Variants in TCF12 observed in about 807,000 individuals in gnomAD.
TCF12 encodes the protein DNA-binding protein HTF4.
TCF12 carries 45 observed loss-of-function variants against 86.0 expected under a neutral mutation model. The ratio of observed to expected loss-of-function variants is 0.52; its 90% CI spans 0.41 to 0.67. The LOEUF is 0.67. TCF12 is among the 30% of genes least tolerant of loss of function. TCF12 has a pLI of 0.00. For synonymous variants in TCF12, 330 were observed against 299.6 expected (o/e 1.10, Z -1.05); for missense variants, 881 against 859.9 (o/e 1.02, Z -0.31).
At chr15:57,133,905 A>G (rs554910461) in intron 5 of TCF12, among the ~76,000 whole-genome samples, 2 of 152,120 alleles carry the variant, frequency 1.3e-5, no homozygotes, top group Non-Finnish European at 2.9e-5. Context: ...TTAAAGCAAA[A>G]TCTGTTCTTT....
At chr15:57,075,382 TG>T (rs1175429389) in intron 4 of TCF12, among the ~76,000 whole-genome samples, 18 of 152,316 alleles carry the variant, frequency 1.2e-4, no homozygotes, top group African/African-American at 4.1e-4. Flanking sequence ...AACATGGAAA[TG>T]TTTTTTTTCC....
intron 5 of TCF12, among the ~76,000 whole-genome samples, chr15:57,165,304 T>A (rs2054804780): frequency 6.6e-6 from 1 of 152,200 alleles, no homozygotes; most frequent in Non-Finnish European, 1.5e-5. Flanking sequence ...ATGCTCAAAC[T>A]AGGGATCTGT....
In TCF12 at chr15:57,167,432, A is replaced by G. The variant is rs186897068; in HGVS notation, c.390+966A>G. Among the ~76,000 whole-genome samples, 19 of 152,070 alleles carry G rather than the reference A, an allele frequency of 1.2e-4. 1 individual carries two copies. The highest frequency in any genetic ancestry group is 4.6e-4 in the African/African-American group (19 of 41,468). ...AAAAATCAGCCAGGTGTAGTGGTGC[A>G]TGCCTGTAGTCTCAGCTGCTTGGGA... On this transcript the variant is annotated intron_variant, in intron 6 of 20. Transcript: ENST00000333725.
chr15:57,017,726 C>CTTTT (rs34230192), intron 3 of TCF12, among the ~76,000 whole-genome samples: 11 of 130,536 alleles, frequency 8.4e-5, no homozygotes, highest in South Asian at 2.4e-4. Flanking sequence ...AATTTTCTTT[C>CTTTT]TTTTTTTTTT....
chr15:56,984,195 A>G (rs59225036), intron 3 of TCF12, among the ~76,000 whole-genome samples: 2,065 of 151,312 alleles, frequency 0.014, 54 homozygotes, highest in African/African-American at 0.043. Flanking sequence ...ACATTTATAC[A>G]TTATACATAT....
Position 57,213,183 on chromosome 15 carries a change from T to C in TCF12, c.579+15358T>C, listed in dbSNP as rs1354310630. 5.3e-5 allele frequency among the ~76,000 whole-genome samples: 8 copies of C among 152,206 alleles called. No homozygotes were observed. In the East Asian group the frequency reaches 1.3e-3, roughly 26 times the overall value. On this transcript the variant is annotated intron_variant, in intron 8 of 20. Coordinates refer to ENST00000333725, the MANE Select transcript of TCF12 (RefSeq NM_207037.2). ...GTATGACTGACACCATTTCCCATCT[T>C]TTTCCCTGTTGATGTCACTCTTCTT...
intron 5 of TCF12, among the ~76,000 whole-genome samples, chr15:57,129,480 G>T (rs1215549201): frequency 6.6e-6 from 1 of 152,150 alleles, no homozygotes. Context: ...TGAGCCTGGG[G>T]AGGTCAAGGC....
chr15:57,064,663 G>GT (rs2068716698), intron 4 of TCF12, among the ~76,000 whole-genome samples: 1 of 151,782 alleles, frequency 6.6e-6, no homozygotes, highest in African/African-American at 2.4e-5. Context: ...AGGCGTGGGG[G>GT]TGGGCATCTG....
At chr15:57,155,190 T>G (rs1467621142) in intron 5 of TCF12, among the ~76,000 whole-genome samples, 2 of 152,190 alleles carry the variant, frequency 1.3e-5, no homozygotes, top group Non-Finnish European at 2.9e-5. Context: ...TTTTTTTCTT[T>G]TCTTCCTTCC....
chr15:57,111,490 C>T (rs1415387262), intron 5 of TCF12, among the ~76,000 whole-genome samples: 1 of 152,010 alleles, frequency 6.6e-6, no homozygotes, highest in Non-Finnish European at 1.5e-5. Flanking sequence ...TTGAAATTCA[C>T]CCATGACAAC....
Position 57,100,126 on chromosome 15 carries a change from ATTGT to A in TCF12, c.325+8240_325+8243del, listed in dbSNP as rs142431559. 5.1e-3 allele frequency among the ~76,000 whole-genome samples: 776 copies of A among 152,176 alleles called. 15 individuals carry two copies. The highest frequency in any genetic ancestry group is 0.018 in the African/African-American group (743 of 41,518). On this transcript the variant is annotated intron_variant, in intron 5 of 20. Coordinates refer to ENST00000333725, the MANE Select transcript of TCF12 (RefSeq NM_207037.2). ...AAATGGTTCTTCTTTGAATCTTCCC[ATTGT>A]TTGTGTCTAGTTCTAACCAAGTGAA...
intron 5 of TCF12, among the ~76,000 whole-genome samples, chr15:57,116,993 G>A (rs2050882380): frequency 6.6e-6 from 1 of 151,926 alleles, no homozygotes; most frequent in Non-Finnish European, 1.5e-5. Flanking sequence ...CAGTGTCACT[G>A]CTAACCATGT....
At chr15:57,059,690 T>C (rs2068305084) in intron 3 of TCF12, among the ~76,000 whole-genome samples, 2 of 144,542 alleles carry the variant, frequency 1.4e-5, no homozygotes, top group South Asian at 4.5e-4. Flanking sequence ...TTACTCAAAC[T>C]CTGCAGTGTT....
chr15:57,164,229 C>G (rs1026294924), intron 5 of TCF12, among the ~76,000 whole-genome samples: 3 of 152,104 alleles, frequency 2.0e-5, no homozygotes, highest in Non-Finnish European at 4.4e-5. Flanking sequence ...CAAGAACTGG[C>G]CCATACTATT....
chr15:56,964,337 G>C (rs1386659451), intron 3 of TCF12, among the ~76,000 whole-genome samples: 1 of 152,094 alleles, frequency 6.6e-6, no homozygotes, highest in Non-Finnish European at 1.5e-5. Context: ...CTTAAAAACT[G>C]GTGACAAAAA....
intron 3 of TCF12, among the ~76,000 whole-genome samples, chr15:56,982,797 A>C (rs1407501756): frequency 3.3e-5 from 5 of 152,226 alleles, no homozygotes; most frequent in Non-Finnish European, 7.3e-5. Context: ...CATCTAATTC[A>C]AAAAGTAACT....
chr15:57,197,313 C>T (rs980781504), intron 7 of TCF12, among the ~76,000 whole-genome samples: 3 of 151,818 alleles, frequency 2.0e-5, no homozygotes, highest in Non-Finnish European at 2.9e-5. Flanking sequence ...CCCGCCACCA[C>T]GGCCAGTTAA....
At chr15:57,159,672 T>A (rs1405967606) in intron 5 of TCF12, among the ~76,000 whole-genome samples, 3 of 151,162 alleles carry the variant, frequency 2.0e-5, no homozygotes, top group African/African-American at 7.3e-5. Context: ...ATCCAGGAAT[T>A]GTTTCTAGGT....
chr15:57,232,635 C>T, intron 10 of TCF12, 77 bp from the exon 11 acceptor site: 20 of 1,490,444 alleles, frequency 1.3e-5, no homozygotes, highest in Non-Finnish European at 1.8e-5. Flanking sequence ...TCTTTTTGAC[C>T]TGTTATCATA....
Sources: gnomAD v4.1 joint callset for allele counts (sites outside exome capture counted in the v4.1 genomes callset) on GRCh38, gnomAD v4.1.1 for gene constraint, MANE v1.5 for transcripts, NCBI Gene and HGNC (gene_info 2026-07-23, HGNC 2026-07-21) for gene names.